GNAT3: variants seen among roughly 807,000 people sequenced by gnomAD.
GNAT3 encodes G protein subunit alpha transducin 3.
A neutral mutation model predicts 37.7 loss-of-function variants in GNAT3; 31 were observed. The ratio of observed to expected loss-of-function variants is 0.82; its 90% confidence interval spans 0.62 to 1.11. GNAT3 has a LOEUF of 1.11. GNAT3 is among the 50% of genes most tolerant of loss of function. The pLI is 0.00. For synonymous variants in GNAT3, 138 were observed against 139.8 expected (o/e 0.99, Z 0.09); for missense variants, 437 against 412.5 (o/e 1.06, Z -0.51).
At chr7:80,509,890 G>A (rs1346939720) in intron 1 of GNAT3, among the ~76,000 whole-genome samples, 1 of 151,882 alleles carries the variant, frequency 6.6e-6, no homozygotes, top group Non-Finnish European at 1.5e-5. Context: ...TGTCCAACAC[G>A]ATATGTTGAA....
intron 1 of GNAT3, among the ~76,000 whole-genome samples, chr7:80,503,899 C>A (rs1279813621): frequency 2.0e-5 from 3 of 152,088 alleles, no homozygotes; most frequent in African/African-American, 7.2e-5. Flanking sequence ...AGACTAAAAC[C>A]CACCAAGGTT....
Position 80,493,257 on chromosome 7 carries a change from G to A in GNAT3, c.161+1348C>T, listed in dbSNP as rs374786707. Among the ~76,000 whole-genome samples the A allele has an allele frequency of 2.6e-5, 4 of 152,226 alleles. 1 individual carries two copies. The highest frequency in any genetic ancestry group is 6.5e-5 in the Admixed American group (1 of 15,280). ...TGGGAGACAAGAGCAGGCAGATACT[G>A]TGGAAATGTTATAAATGAATGCCAG... On this transcript the variant is annotated intron_variant, in intron 2 of 7. Transcript: ENST00000398291.
chr7:80,511,007 A>G (rs1011637774), intron 1 of GNAT3, among the ~76,000 whole-genome samples: 1 of 152,148 alleles, frequency 6.6e-6, no homozygotes, highest in African/African-American at 2.4e-5. Context: ...TTCTTTATAT[A>G]GGTCATCATT....
At chr7:80,482,086 A>G (rs1030687874) in intron 3 of GNAT3, among the ~76,000 whole-genome samples, 3 of 152,178 alleles carry the variant, frequency 2.0e-5, no homozygotes, top group African/African-American at 7.2e-5. Flanking sequence ...AGGCTGTGCC[A>G]TGGGTCATGG....
At chr7:80,465,201 A>G (rs1299669460) in intron 5 of GNAT3, among the ~76,000 whole-genome samples, 9 of 152,090 alleles carry the variant, frequency 5.9e-5, no homozygotes, top group African/African-American at 1.4e-4. Context: ...CGTAAACTGG[A>G]GTTTTATTTC....
At chr7:80,469,350 CT>C (rs1178534969) in intron 5 of GNAT3, among the ~76,000 whole-genome samples, 2 of 152,054 alleles carry the variant, frequency 1.3e-5, no homozygotes, top group Non-Finnish European at 2.9e-5. Context: ...AAAGTTTCTT[CT>C]CTATAATTGT....
chr7:80,485,785 C>A (rs781070136), intron 3 of GNAT3, among the ~76,000 whole-genome samples: 4 of 152,078 alleles, frequency 2.6e-5, no homozygotes, highest in Non-Finnish European at 4.4e-5. Context: ...TGAAAATGTA[C>A]ATTCTATAAT....
chr7:80,471,873 A>G (rs1007179608), intron 5 of GNAT3, among the ~76,000 whole-genome samples: 4 of 152,074 alleles, frequency 2.6e-5, no homozygotes, highest in Non-Finnish European at 5.9e-5. Context: ...TATCCTGAGT[A>G]TCGATAGCAA....
intron 1 of GNAT3, among the ~76,000 whole-genome samples, chr7:80,500,010 T>C (rs1790803702): frequency 6.6e-6 from 1 of 152,190 alleles, no homozygotes; most frequent in Non-Finnish European, 1.5e-5. Context: ...TCCACTCCTT[T>C]ACTCCTTTCT....
chr7:80,463,926 T>C (rs1790094217), intron 5 of GNAT3, among the ~76,000 whole-genome samples: 1 of 150,958 alleles, frequency 6.6e-6, no homozygotes, highest in South Asian at 2.1e-4. Context: ...CAATTTATAG[T>C]TTTGGGAACA....
In GNAT3 at chr7:80,482,157, C is replaced by G. The variant is rs368165844; in HGVS notation, c.304-3159G>C. On this transcript the variant is annotated intron_variant, in intron 3 of 7. Coordinates refer to ENST00000398291, the MANE Select transcript of GNAT3 (RefSeq NM_001102386.3). ...ATTTTACGGAGTTTGGCTTTTTTGTCAACAAATGGCCATATCAAGTCTCAA... is the reference window on the plus strand; with the variant it reads ...ATTTTACGGAGTTTGGCTTTTTTGTGAACAAATGGCCATATCAAGTCTCAA... 1.5e-3 allele frequency among the ~76,000 whole-genome samples: 235 copies of G among 152,202 alleles called. 7 individuals carry two copies. The South Asian group carries it at 0.047, about 31-fold the overall frequency.
intron 7 of GNAT3, 145 bp downstream of exon 7, chr7:80,462,014 A>AT (rs975444360): frequency 1.7e-4 from 104 of 608,720 alleles, no homozygotes; most frequent in South Asian, 1.0e-3. Flanking sequence ...TATTTGTAAG[A>AT]TTTTTTTTCC....
intron 1 of GNAT3, among the ~76,000 whole-genome samples, chr7:80,497,585 T>TACACATACGTATATAC (rs200599931): frequency 1.6e-5 from 2 of 128,878 alleles, no homozygotes; most frequent in African/African-American, 5.8e-5. Flanking sequence ...TATACGTATA[T>TACACATACGTATATAC]ACATATACGT....
chr7:80,492,345 A>G (rs1336348608), intron 2 of GNAT3, among the ~76,000 whole-genome samples: 4 of 147,200 alleles, frequency 2.7e-5, no homozygotes, highest in Non-Finnish European at 4.4e-5. Flanking sequence ...CCCTTTCTCA[A>G]ATAAATAAAT....
intron 2 of GNAT3, among the ~76,000 whole-genome samples, chr7:80,491,521 C>T (rs1790590956): frequency 6.6e-6 from 1 of 152,050 alleles, no homozygotes; most frequent in Admixed American, 6.6e-5. Flanking sequence ...TCTCCTGGTA[C>T]AGTAGAGACA....
chr7:80,496,324 T>C (rs1790715478), intron 1 of GNAT3, among the ~76,000 whole-genome samples: 1 of 152,068 alleles, frequency 6.6e-6, no homozygotes, highest in Admixed American at 6.6e-5. Flanking sequence ...AGAGACAGGG[T>C]TTCACCATTT....
intron 1 of GNAT3, among the ~76,000 whole-genome samples, chr7:80,503,491 T>G (rs2116226497): frequency 6.6e-6 from 1 of 152,362 alleles, no homozygotes; most frequent in African/African-American, 2.4e-5. Context: ...TAATATCTAT[T>G]TCATAAGATT....
At chr7:80,494,008 A>G (rs1182903662) in intron 2 of GNAT3, among the ~76,000 whole-genome samples, 2 of 152,152 alleles carry the variant, frequency 1.3e-5, no homozygotes, top group African/African-American at 2.4e-5. Flanking sequence ...ATTATCCTTT[A>G]AAATTCTCTA....
At chr7:80,473,137 G>A (rs1454308507) in intron 5 of GNAT3, among the ~76,000 whole-genome samples, 1 of 152,110 alleles carries the variant, frequency 6.6e-6, no homozygotes, top group Non-Finnish European at 1.5e-5. Flanking sequence ...CAAGACTGAC[G>A]ACAAACTTTT....
Sources: allele counts gnomAD v4.1 joint callset (sites outside exome capture counted in the v4.1 genomes callset), GRCh38; gene constraint gnomAD v4.1.1; transcripts MANE v1.5; gene names NCBI Gene and HGNC (gene_info 2026-07-23, HGNC 2026-07-21).